Variants in SCLY observed in about 807,000 individuals in gnomAD.
The protein encoded by SCLY is putative selenocysteine lyase.
In SCLY, 38 loss-of-function variants were observed where a neutral mutation model predicts 50.1. That is an observed-to-expected ratio of 0.76 (90% CI 0.59 to 0.99). The LOEUF (loss-of-function observed/expected upper bound fraction) is 0.99. SCLY is among the 50% of genes least tolerant of loss of function. The probability of loss-of-function intolerance (pLI) is 0.00; values close to 1 mark genes in which losing one functional copy is unlikely to be tolerated. For missense variants in SCLY, 600 were observed against 620.0 expected (o/e 0.97, Z 0.34); for synonymous variants, 243 against 249.4 (o/e 0.97, Z 0.24).
At chr2:238,094,591 A>G (rs755791494) in intron 10 of SCLY, 69 bp downstream of exon 10, 4 of 1,296,676 alleles carry the variant, frequency 3.1e-6, no homozygotes, top group Non-Finnish European at 4.5e-6. Context: ...TTCTGGTCCG[A>G]GCCAGTGACT....
In SCLY at chr2:238,081,709, C is replaced by T. The variant is rs199710272; in HGVS notation, c.485C>T (p.Ala162Val). Residue 162 changes from alanine to valine, a missense_variant and splice_region_variant, in exon 5 of 12, where the codon GCG becomes GTG. Coordinates refer to ENST00000254663, the MANE Select transcript of SCLY (RefSeq NM_016510.7). ...TTCGGTACTCATGTTTGTTTCCCAGCGGTCACCTTTGTCCCGGTGTCCAAG... is the reference window on the plus strand; with the variant it reads ...TTCGGTACTCATGTTTGTTTCCCAGTGGTCACCTTTGTCCCGGTGTCCAAG... ...LEHLVEEQVA[A>V]VTFVPVSKVS... is the part of the protein sequence containing the mutation. The T allele has an allele frequency of 9.9e-6, 16 of 1,613,036 alleles. No individual in the cohort carries two copies. The highest frequency in any genetic ancestry group is 1.7e-5 in the Admixed American group (1 of 59,958).
intron 1 of SCLY, among the ~76,000 whole-genome samples, chr2:238,063,113 C>G (rs1382939694): frequency 6.6e-6 from 1 of 152,068 alleles, no homozygotes; most frequent in Non-Finnish European, 1.5e-5. Flanking sequence ...TTCTGTTACT[C>G]TATTAAGGTA....
Position 238,096,876 on chromosome 2 carries a change from A to T in SCLY, c.1184A>T (p.Gln395Leu). The change falls in exon 11 of 12, where the codon CAG becomes CTG. Residue 395 changes from glutamine (Q) to leucine (L), a missense_variant and splice_region_variant. Gln to Leu is a moderately radical substitution (Grantham distance 113). Coordinates refer to ENST00000254663, the MANE Select transcript of SCLY (RefSeq NM_016510.7). ...GAACHSDHGDQPSPVLLSYGV... is the reference protein window; with the variant it reads ...GAACHSDHGDLPSPVLLSYGV... ...GCGTGCCACTCGGACCACGGGGACC[A>T]GTAAGTGCTCTTCACAAACCCAGTC... 6.2e-7 allele frequency: 1 copy of T among 1,608,698 alleles called. No individual in the cohort carries two copies. The highest frequency in any genetic ancestry group is 1.1e-5 in the South Asian group (1 of 90,058).
intron 4 of SCLY, among the ~76,000 whole-genome samples, chr2:238,075,892 G>A (rs571397255): frequency 1.6e-3 from 238 of 152,036 alleles, no homozygotes; most frequent in African/African-American, 5.2e-3. Context: ...CATTTATGCC[G>A]GAGGTTGCAA....
At chr2:238,068,360 G>C (rs541133466) in intron 3 of SCLY, 195 bp downstream of exon 3, 3 of 416,166 alleles carry the variant, frequency 7.2e-6, no homozygotes, top group African/African-American at 6.3e-5. Context: ...ACCTCCCTGA[G>C]CAACATAGGG....
At position 238,061,044 on chromosome 2, in the gene SCLY, GT is replaced by G; in HGVS notation, c.-10del. The stretch of plus-strand genomic sequence containing the variant: ...GAAGGAGGCTGGATGCCCGGCAGCA[GT>G]GGGGCGGGGATGGAGGCGGCCGTGG... On this transcript the variant is annotated 5_prime_UTR_variant, in exon 1 of 12. Transcript: ENST00000254663. 1 of 1,377,342 alleles carries G rather than the reference GT, an allele frequency of 7.3e-7. No homozygotes were observed. Among genetic ancestry groups the G allele is most frequent in the African/African-American group, 1.5e-5 (1 of 65,288 alleles). 85.3% of individuals were successfully genotyped at this position (1,377,342 alleles called of 1,614,324 possible). A position where few individuals can be genotyped will look rare whatever the true frequency, so the allele number is the denominator to read the frequency against.
chr2:238,067,442 C>T lies in SCLY; in HGVS notation c.203-623C>T, dbSNP rs997397056. Among the ~76,000 whole-genome samples the T allele has an allele frequency of 1.3e-5, 2 of 152,220 alleles. No homozygotes were observed. The highest frequency in any genetic ancestry group is 1.9e-4 in the East Asian group (1 of 5,202). ...CACTAAGAATGGTCACTGAAACTTT[C>T]GGCATTCCCATGCCAGAGCCTTTCC... On this transcript the variant is annotated intron_variant, in intron 2 of 11. Transcript: ENST00000254663. This position sits in a 1 kb window ranked among gnomAD's most constrained non-coding sequence, Gnocchi z 4.3.
chr2:238,077,253 A>T (rs1576667586), intron 4 of SCLY, among the ~76,000 whole-genome samples: 3 of 152,306 alleles, frequency 2.0e-5, no homozygotes, highest in Admixed American at 2.0e-4. Context: ...GTCCAACTAT[A>T]TTGCTGGTAA....
chr2:238,081,646 G>C (rs987595126), intron 4 of SCLY, 63 bp from the exon 5 acceptor site: 2 of 1,573,618 alleles, frequency 1.3e-6, no homozygotes, highest in Admixed American at 3.5e-5. Context: ...AGCTCTGTTG[G>C]AACGCAGTTT....
chr2:238,061,914 C>T (rs933032246), intron 1 of SCLY, among the ~76,000 whole-genome samples: 6 of 152,088 alleles, frequency 3.9e-5, no homozygotes, highest in Non-Finnish European at 7.4e-5. Context: ...CCTCTTTTTC[C>T]TTTTTGTGAG....
At chr2:238,078,229 C>G (rs866756991) in intron 4 of SCLY, among the ~76,000 whole-genome samples, 1 of 152,170 alleles carries the variant, frequency 6.6e-6, no homozygotes, top group Non-Finnish European at 1.5e-5. Flanking sequence ...GCTAGGATTA[C>G]AGGCTTGAGC....
At chr2:238,082,959 G>T in intron 6 of SCLY, 6 of 371,006 alleles carry the variant, frequency 1.6e-5, no homozygotes, top group East Asian at 5.7e-5. Flanking sequence ...TATGATTTGA[G>T]ATCCTTTTAC....
At chr2:238,091,566 G>A (rs538005094) in intron 8 of SCLY, 9 of 385,672 alleles carry the variant, frequency 2.3e-5, no homozygotes, top group African/African-American at 1.0e-4. Flanking sequence ...CAAAGGCGTC[G>A]GCAGCCCCCG....
chr2:238,073,414 G>A (rs1299049846), intron 4 of SCLY, among the ~76,000 whole-genome samples: 1 of 152,184 alleles, frequency 6.6e-6, no homozygotes, highest in Non-Finnish European at 1.5e-5. Context: ...GTTTGATAGG[G>A]ATTGAATTGA....
At position 238,067,115 on chromosome 2, in the gene SCLY, AG is replaced by A. The variant is rs1296173966; in HGVS notation, c.203-947del. 6.6e-6 allele frequency among the ~76,000 whole-genome samples: 1 copy of A among 152,138 alleles called. No individual in the cohort carries two copies. The highest frequency in any genetic ancestry group is 1.5e-5 in the Non-Finnish European group (1 of 68,010). ...ACAGCCAAACCATTATCACTGAGAG[AG>A]GGAAGGCTGAGAGTGAGGGTGACAG... On this transcript the variant is annotated intron_variant, in intron 2 of 11. Coordinates refer to ENST00000254663, the MANE Select transcript of SCLY (RefSeq NM_016510.7). The surrounding 1 kb of genome is among the most constrained non-coding windows in gnomAD (Gnocchi z 4.3).
rs761704550 is a variant in SCLY, at chr2:238,096,805, C to T, written c.1113C>T (p.His371=). The T allele has an allele frequency of 1.8e-5, 29 of 1,609,534 alleles. No individual in the cohort carries two copies. The Middle Eastern group carries it at 9.9e-4, about 55-fold the overall frequency. ...FSIRGPRLQG[H]VVLAQCRVLM... is the part of the protein sequence containing the mutation. ...GCATGTGCTCTGTCTCCGCAGGCCA[C>T]GTGGTGCTTGCGCAGTGCCGAGTGC... The change falls in exon 11 of 12, where the codon CAC becomes CAT. Residue 371 remains histidine (H), a synonymous_variant. Transcript: ENST00000254663.
intron 2 of SCLY, 36 bp downstream of exon 2, chr2:238,064,505 G>A: frequency 6.9e-7 from 1 of 1,446,698 alleles, no homozygotes; most frequent in South Asian, 1.2e-5. Flanking sequence ...ACTGATGGGA[G>A]ATAATGGGGA....
Position 238,082,030 on chromosome 2 carries a change from T to G in SCLY, c.613-15T>G, listed in dbSNP as rs1249508545. On this transcript the variant is annotated splice_polypyrimidine_tract_variant and intron_variant, in intron 5 of 11. Transcript: ENST00000254663. The stretch of plus-strand genomic sequence containing the variant: ...GATCGGAGCAACATACTCAACTGTT[T>G]CCTTTCCCCGTCAGCCTGTCCCTGA... 6.2e-7 allele frequency: 1 copy of G among 1,608,054 alleles called. No individual in the cohort carries two copies. The highest frequency in any genetic ancestry group is 1.3e-5 in the African/African-American group (1 of 74,850).
rs1691347263 is a variant in SCLY, at chr2:238,098,651, C to CGCCCACATGGGACCGCCCACATGGGAA, written c.*296_*297insGCCCACATGGGACCGCCCACATGGGAA. The CGCCCACATGGGACCGCCCACATGGGAA allele has an allele frequency of 6.2e-6, 2 of 322,038 alleles. No homozygotes were observed. The highest frequency in any genetic ancestry group is 7.9e-5 in the East Asian group (2 of 25,410). 19.9% of individuals were successfully genotyped at this position (322,038 alleles called of 1,614,324 possible). On this transcript the variant is annotated 3_prime_UTR_variant, in exon 12 of 12. Coordinates refer to ENST00000254663, the MANE Select transcript of SCLY (RefSeq NM_016510.7). Reference sequence around the variant, plus strand: ...CCCACATGGGACCGCCCACATGGGACCGCCCACATAGAACCGTCCTCCAGT... The same window carrying CGCCCACATGGGACCGCCCACATGGGAA: ...CCCACATGGGACCGCCCACATGGGACGCCCACATGGGACCGCCCACATGGGAACGCCCACATAGAACCGTCCTCCAGT...
Sources: allele counts gnomAD v4.1 joint callset (sites outside exome capture counted in the v4.1 genomes callset), GRCh38; gene constraint gnomAD v4.1.1; non-coding constraint Gnocchi (gnomAD v3.1); transcripts MANE v1.5; gene names NCBI Gene and HGNC (gene_info 2026-07-23, HGNC 2026-07-21).